The following NXPE2 variants were observed in gnomAD, a reference collection of about 807,000 sequenced individuals.
The protein encoded by NXPE2 is neurexophilin and PC-esterase domain family member 2.
NXPE2 carries 34 observed loss-of-function variants against 34.4 expected under a neutral mutation model. That is an observed-to-expected ratio of 0.99 (90% CI 0.75 to 1.31). The LOEUF is 1.31. Among genes scored for constraint, NXPE2 ranks in the 40% most tolerant of loss-of-function variants. NXPE2 has a pLI of 0.00. For synonymous variants in NXPE2, 235 were observed against 231.3 expected (o/e 1.02, Z -0.15); for missense variants, 649 against 672.5 (o/e 0.97, Z 0.39).
the NXPE2 span, among the ~76,000 whole-genome samples, chr11:114,749,339 G>T: frequency 6.6e-6 from 1 of 152,048 alleles, no homozygotes; most frequent in Non-Finnish European, 1.5e-5. Context: ...AATGTATACA[G>T]TCAGCCCTCT....
At chr11:114,653,820 G>T in the NXPE2 span, among the ~76,000 whole-genome samples, 1 of 151,866 alleles carries the variant, frequency 6.6e-6, no homozygotes, top group Non-Finnish European at 1.5e-5. Context: ...GAGCCACCGC[G>T]CCTGGCCTGT....
At chr11:114,539,906 C>G in the NXPE2 span, among the ~76,000 whole-genome samples, 1 of 151,944 alleles carries the variant, frequency 6.6e-6, no homozygotes, top group Non-Finnish European at 1.5e-5. Context: ...TTGAAAAAAA[C>G]CCAAAGATTC....
chr11:114,765,278 A>C, the NXPE2 span, among the ~76,000 whole-genome samples: 1 of 152,154 alleles, frequency 6.6e-6, no homozygotes. Flanking sequence ...ACTTCACTTC[A>C]TTGCACTTTG....
the NXPE2 span, among the ~76,000 whole-genome samples, chr11:114,780,790 AAAG>A: frequency 2.4e-3 from 368 of 152,360 alleles, 6 homozygotes; most frequent in Admixed American, 0.02. Flanking sequence ...AAAGATGGCA[AAAG>A]AAGAAGTTCC....
At chr11:114,477,223 T>TG in the NXPE2 span, among the ~76,000 whole-genome samples, 1 of 152,030 alleles carries the variant, frequency 6.6e-6, no homozygotes, top group Non-Finnish European at 1.5e-5. Context: ...GCAAAACGAA[T>TG]GGGGAGATGC....
the NXPE2 span, among the ~76,000 whole-genome samples, chr11:114,667,948 T>G: frequency 6.6e-6 from 1 of 151,900 alleles, no homozygotes; most frequent in Non-Finnish European, 1.5e-5. Context: ...AGTAGATAAC[T>G]AATACACAGA....
chr11:114,530,812 G>C, the NXPE2 span: 2 of 1,614,212 alleles, frequency 1.2e-6, no homozygotes, highest in Non-Finnish European at 1.7e-6. Context: ...GTCTCTGTTA[G>C]TGGCTTTAAT....
the NXPE2 span, among the ~76,000 whole-genome samples, chr11:114,485,901 C>A: frequency 6.6e-6 from 1 of 152,082 alleles, no homozygotes; most frequent in African/African-American, 2.4e-5. Flanking sequence ...ATTCATCTGT[C>A]GATGGACACT....
chr11:114,534,099 C>T, the NXPE2 span, among the ~76,000 whole-genome samples: 27,927 of 152,114 alleles, frequency 0.18, 3,116 homozygotes, highest in African/African-American at 0.3. Flanking sequence ...TCCAGAGGAA[C>T]GATCAGGCAG....
chr11:114,719,416 A>T, the NXPE2 span, among the ~76,000 whole-genome samples: 1 of 152,218 alleles, frequency 6.6e-6, no homozygotes, highest in South Asian at 2.1e-4. Flanking sequence ...GCAGCAGCCT[A>T]ATGTGGCAGA....
Position 114,678,605 on chromosome 11 carries a change from T to C in NXPE2, c.26+4T>C, listed in dbSNP as rs1950886368. On this transcript the variant is annotated splice_donor_region_variant and intron_variant, in intron 1 of 5. Transcript: ENST00000389586. ...TGGAGAAAATACTCATCCATAGGTG[T>C]GGTACTTTCCAACTCTTACTGCCAA... 1.9e-6 allele frequency: 3 copies of C among 1,547,926 alleles called. No individual in the cohort carries two copies. Among genetic ancestry groups the C allele is most frequent in the Non-Finnish European group, 2.6e-6 (3 of 1,143,630 alleles).
chr11:114,767,719 C>T, the NXPE2 span, among the ~76,000 whole-genome samples: 1 of 152,140 alleles, frequency 6.6e-6, no homozygotes, highest in Non-Finnish European at 1.5e-5. Flanking sequence ...AGACTCCACA[C>T]AGATGCTATG....
At chr11:114,467,615 A>G in the NXPE2 span, among the ~76,000 whole-genome samples, 1 of 152,148 alleles carries the variant, frequency 6.6e-6, no homozygotes, top group African/African-American at 2.4e-5. Context: ...GAGAGGGGAC[A>G]TTAGAACTGG....
At chr11:114,477,497 C>G in the NXPE2 span, among the ~76,000 whole-genome samples, 1 of 151,712 alleles carries the variant, frequency 6.6e-6, no homozygotes, top group Non-Finnish European at 1.5e-5. Flanking sequence ...GCAGGTATAC[C>G]TTAATAAAAT....
chr11:114,797,871 G>T, the NXPE2 span, among the ~76,000 whole-genome samples: 1 of 152,182 alleles, frequency 6.6e-6, no homozygotes, highest in Non-Finnish European at 1.5e-5. Context: ...TCCTTGAGCA[G>T]CTAGTGTCAG....
the NXPE2 span, among the ~76,000 whole-genome samples, chr11:114,647,818 C>A: frequency 2.0e-5 from 3 of 152,056 alleles, no homozygotes; most frequent in Admixed American, 1.3e-4. Context: ...TCTCCTGCCT[C>A]AGCCTTCTAA....
chr11:114,591,625 A>G, the NXPE2 span, among the ~76,000 whole-genome samples: 15 of 152,210 alleles, frequency 9.9e-5, no homozygotes, highest in Admixed American at 9.8e-4. Context: ...TATACTTTCC[A>G]GCCCTCAGGA....
chr11:114,473,784 G>A, the NXPE2 span, among the ~76,000 whole-genome samples: 1 of 152,208 alleles, frequency 6.6e-6, no homozygotes, highest in Non-Finnish European at 1.5e-5. Context: ...TCTAAAGCAA[G>A]CCTACCTGGT....
At chr11:114,466,083 CTT>C in the NXPE2 span, among the ~76,000 whole-genome samples, 2 of 152,078 alleles carry the variant, frequency 1.3e-5, no homozygotes, top group Non-Finnish European at 2.9e-5. Context: ...CGATCTCTCT[CTT>C]TGTCTTATAA....
Sources: allele counts gnomAD v4.1 joint callset (sites outside exome capture counted in the v4.1 genomes callset), GRCh38; gene constraint gnomAD v4.1.1; transcripts MANE v1.5; gene names NCBI Gene and HGNC (gene_info 2026-07-23, HGNC 2026-07-21).